The following CPEB1 variants were observed in gnomAD, a reference collection of about 807,000 sequenced individuals.
CPEB1 encodes the protein cytoplasmic polyadenylation element binding protein 1, also known as cytoplasmic polyadenylation element-binding protein 1.
A neutral mutation model predicts 65.8 loss-of-function variants in CPEB1; 7 were observed. The observed-to-expected ratio is 0.11, with a 90% CI of 0.06 to 0.20. The LOEUF is 0.20. Ranked by LOEUF, CPEB1 falls within the 10% of genes least tolerant of loss-of-function variation. CPEB1 has a pLI of 1.00. For missense variants in CPEB1, 551 were observed against 712.2 expected (o/e 0.77, Z 2.58); for synonymous variants, 262 against 260.0 (o/e 1.01, Z -0.08).
At chr15:82,607,843 G>A (rs944551897) in intron 3 of CPEB1, among the ~76,000 whole-genome samples, 1 of 152,064 alleles carries the variant, frequency 6.6e-6, no homozygotes. Context: ...AACAAAAACT[G>A]ACAGAAATGA....
At chr15:82,648,275 G>A (rs978993407), upstream of CPEB1, 4 of 182,584 alleles carry the variant, frequency 2.2e-5, no homozygotes, top group Non-Finnish European at 4.5e-5. Context: ...CCCTCTTAAC[G>A]AAAGAGGGCA....
In CPEB1 at chr15:82,544,392, C is replaced by G; in HGVS notation, c.*200G>C. On this transcript the variant is annotated 3_prime_UTR_variant, in exon 13 of 13. Transcript: ENST00000684509. ...AGGGTCCTTGCCCTTGGTACACCCC[C>G]TGAAAACAAAACCTGACAAAACTCA... The G allele has an allele frequency of 1.8e-6, 1 of 553,158 alleles. No individual in the cohort carries two copies. The highest frequency in any genetic ancestry group is 2.4e-5 in the South Asian group (1 of 41,394). The allele number at this position is 553,158 out of a possible 1,614,324, so 34.3% of individuals were successfully genotyped here.
At chr15:82,648,533 A>T (rs1274682152), upstream of CPEB1, 1 of 152,396 alleles carries the variant, frequency 6.6e-6, no homozygotes, top group African/African-American at 2.4e-5. Flanking sequence ...TTTGGACCGG[A>T]GTTCTCCGGA....
intron 3 of CPEB1, among the ~76,000 whole-genome samples, chr15:82,626,391 A>T (rs2045778280): frequency 6.6e-6 from 1 of 152,148 alleles, no homozygotes; most frequent in African/African-American, 2.4e-5. Context: ...CCGAGATCAC[A>T]CCACTGCACT....
At chr15:82,613,581 T>A (rs2044388652) in intron 3 of CPEB1, among the ~76,000 whole-genome samples, 1 of 152,082 alleles carries the variant, frequency 6.6e-6, no homozygotes, top group Non-Finnish European at 1.5e-5. Context: ...GGGGTTTCAC[T>A]ACATTGCCCA....
chr15:82,560,122 C>G (rs1350098290), intron 4 of CPEB1, among the ~76,000 whole-genome samples: 1 of 152,096 alleles, frequency 6.6e-6, no homozygotes, highest in East Asian at 1.9e-4. Flanking sequence ...GATAGAAATC[C>G]AAAATCAAAG....
At chr15:82,545,201 G>A (rs1345842500) in intron 12 of CPEB1, among the ~76,000 whole-genome samples, 1 of 152,150 alleles carries the variant, frequency 6.6e-6, no homozygotes, top group Non-Finnish European at 1.5e-5. Context: ...TAATCTCTGA[G>A]CAATTATCTG....
At chr15:82,596,978 G>C (rs1470218785) in intron 3 of CPEB1, among the ~76,000 whole-genome samples, 1 of 151,932 alleles carries the variant, frequency 6.6e-6, no homozygotes, top group Non-Finnish European at 1.5e-5. Flanking sequence ...AACCATATTA[G>C]AAAACAAAAA....
intron 3 of CPEB1, among the ~76,000 whole-genome samples, chr15:82,578,337 CAT>C (rs565245534): frequency 2.0e-4 from 31 of 152,266 alleles, no homozygotes; most frequent in African/African-American, 7.5e-4. Context: ...AATAATAATA[CAT>C]GACTAATTTT....
intron 3 of CPEB1, among the ~76,000 whole-genome samples, chr15:82,584,903 C>CTTTTTTTTTTTTATTTTTTTTTTTTTTTT (rs2041646400): frequency 1.2e-5 from 1 of 81,742 alleles, no homozygotes; most frequent in Non-Finnish European, 2.0e-5. Flanking sequence ...TCCTAATTTG[C>CTTTTTTTTTTTTATTTTTTTTTTTTTTTT]TTTTTTTTTT....
chr15:82,629,315 G>A, intron 1 of CPEB1: 1 of 984,894 alleles, frequency 1.0e-6, no homozygotes, highest in Non-Finnish European at 1.2e-6. Flanking sequence ...TACAAGAGAG[G>A]TAAGTACCAA....
chr15:82,645,358 G>A (rs138248363), intron 1 of CPEB1, among the ~76,000 whole-genome samples: 89 of 152,126 alleles, frequency 5.9e-4, no homozygotes, highest in African/African-American at 1.9e-3. Context: ...TCACCTTGTT[G>A]GCCAGGCTGG....
chr15:82,579,280 G>A (rs1381565961), intron 3 of CPEB1, among the ~76,000 whole-genome samples: 1 of 152,148 alleles, frequency 6.6e-6, no homozygotes, highest in Non-Finnish European at 1.5e-5. Context: ...GGGCAACACA[G>A]GGAGACCCCG....
intron 9 of CPEB1, among the ~76,000 whole-genome samples, chr15:82,551,663 T>C (rs116360873): frequency 0.014 from 2,190 of 152,300 alleles, 56 homozygotes; most frequent in African/African-American, 0.051. Flanking sequence ...GTTTCAGAGA[T>C]ATTAAATATC....
chr15:82,553,426 A>G, intron 8 of CPEB1, 41 bp downstream of exon 8: 1 of 1,522,950 alleles, frequency 6.6e-7, no homozygotes, highest in Non-Finnish European at 9.1e-7. Context: ...GAAGGGAAAA[A>G]AAAGCTCCTA....
chr15:82,557,503 C>T (rs951712681), intron 5 of CPEB1: 2 of 441,088 alleles, frequency 4.5e-6, no homozygotes, highest in African/African-American at 4.0e-5. Flanking sequence ...TTCCAGTACT[C>T]TTGGAGTAGC....
chr15:82,643,221 T>C (rs956689616), intron 1 of CPEB1, among the ~76,000 whole-genome samples: 8 of 152,182 alleles, frequency 5.3e-5, no homozygotes, highest in Non-Finnish European at 1.0e-4. Context: ...TTTTCATCTT[T>C]CCAAAAACTT....
chr15:82,573,092 C>G (rs989411746), intron 3 of CPEB1: 1 of 1,535,506 alleles, frequency 6.5e-7, no homozygotes, highest in Non-Finnish European at 8.7e-7. Context: ...GAAGCATGCC[C>G]ACCTGGGACC....
chr15:82,630,710 C>T (rs8033106), intron 1 of CPEB1, among the ~76,000 whole-genome samples: 121,064 of 152,032 alleles, frequency 0.8, 48,938 homozygotes, highest in African/African-American at 0.95. Context: ...CCAAGGTGGC[C>T]TGGAGGGACA....
Sources: allele counts gnomAD v4.1 joint callset (sites outside exome capture counted in the v4.1 genomes callset), GRCh38; gene constraint gnomAD v4.1.1; transcripts MANE v1.5; gene names NCBI Gene and HGNC (gene_info 2026-07-23, HGNC 2026-07-21).